PCDHA6: variants seen among roughly 807,000 people sequenced by gnomAD.
The protein encoded by PCDHA6 is protocadherin alpha 6.
A neutral mutation model predicts 60.3 loss-of-function variants in PCDHA6; 55 were observed. The observed-to-expected ratio is 0.91, with a 90% confidence interval of 0.73 to 1.14. The LOEUF (loss-of-function observed/expected upper bound fraction) is 1.14. Ranked by LOEUF, PCDHA6 falls within the 50% of genes most tolerant of loss-of-function variation. PCDHA6 has a pLI of 0.00. For synonymous variants in PCDHA6, 652 were observed against 557.9 expected, an observed-to-expected ratio of 1.17 and a Z score of -2.38; for missense variants, 1,327 against 1,256.5, an observed-to-expected ratio of 1.06 and a Z score of -0.85.
intron 3 of PCDHA6, among the ~76,000 whole-genome samples, chr5:140,995,391 G>A (rs2097681152): frequency 1.3e-5 from 2 of 152,170 alleles, no homozygotes; most frequent in African/African-American, 2.4e-5. Context: ...AGGATAAAGC[G>A]GGATGGCTCG....
chr5:140,969,076 T>C, intron 1 of PCDHA6: 2 of 1,614,162 alleles, frequency 1.2e-6, no homozygotes, highest in South Asian at 2.2e-5. Flanking sequence ...GGATACCGCA[T>C]GGCCTCAAAG....
rs2150164384 is a variant in PCDHA6 at position 140,829,233 on chromosome 5, C to G, written c.1142C>G (p.Ala381Gly). Residue 381 changes from alanine to glycine, a missense_variant, in exon 1 of 4, where the codon GCC becomes GGC. Transcript: ENST00000529310. Reference protein sequence around the residue: ...LISVNDLDSGANGQVNCSLTP... With the variant: ...LISVNDLDSGGNGQVNCSLTP... The stretch of plus-strand genomic sequence containing the variant: ...AGCGTGAACGACCTCGATTCAGGTG[C>G]CAACGGGCAGGTGAACTGCTCGCTG... The G allele has an allele frequency of 3.1e-6, 5 of 1,614,254 alleles. No individual in the cohort carries two copies. In the Admixed American group the frequency reaches 8.3e-5, roughly 27 times the overall value.
At chr5:140,952,380 G>A (rs246035) in intron 1 of PCDHA6, among the ~76,000 whole-genome samples, 85,175 of 151,100 alleles carry the variant, frequency 0.56, 24,638 homozygotes, top group African/African-American at 0.69. Flanking sequence ...CCTCTGCCAG[G>A]TACCCTAAAC....
chr5:140,843,200 T>C (rs1554139863), intron 1 of PCDHA6: 1 of 1,595,954 alleles, frequency 6.3e-7, no homozygotes, highest in Non-Finnish European at 8.6e-7. Context: ...CGTGGGGCTG[T>C]ACACGGGCGA....
intron 3 of PCDHA6, among the ~76,000 whole-genome samples, chr5:140,998,686 T>G (rs1245765431): frequency 6.6e-6 from 1 of 152,118 alleles, no homozygotes; most frequent in Non-Finnish European, 1.5e-5. Context: ...TGCCTCAGCC[T>G]CCCAAGTAGC....
chr5:140,858,871 T>A (rs1000901337), intron 1 of PCDHA6: 6 of 248,826 alleles, frequency 2.4e-5, no homozygotes, highest in African/African-American at 1.2e-4. Context: ...TGAAAATGTG[T>A]TTTCCTCCAT....
At chr5:140,838,624 A>G (rs181370925) in intron 1 of PCDHA6, among the ~76,000 whole-genome samples, 2 of 152,192 alleles carry the variant, frequency 1.3e-5, no homozygotes, top group Admixed American at 1.3e-4. Flanking sequence ...TTTTTTACAA[A>G]TAATTTGGTT....
intron 3 of PCDHA6, among the ~76,000 whole-genome samples, chr5:141,000,919 A>AT (rs2097975024): frequency 6.6e-6 from 1 of 152,134 alleles, no homozygotes; most frequent in Non-Finnish European, 1.5e-5. Flanking sequence ...AAAAAAAAAA[A>AT]TCCTGTGTGA....
intron 1 of PCDHA6, chr5:140,863,238 T>G (rs1367184463): frequency 9.1e-6 from 12 of 1,318,616 alleles, no homozygotes; most frequent in Non-Finnish European, 1.3e-5. Context: ...CATCGCGGGC[T>G]TTGGCGGGCG....
At chr5:140,852,778 A>T (rs2150522420) in intron 1 of PCDHA6, 1 of 980,232 alleles carries the variant, frequency 1.0e-6, no homozygotes, top group East Asian at 1.1e-4. Flanking sequence ...TTTGATGTGA[A>T]TAGAGGGATG....
At chr5:140,966,922 G>C (rs782206344) in intron 1 of PCDHA6, 7 of 1,602,954 alleles carry the variant, frequency 4.4e-6, no homozygotes, top group Non-Finnish European at 5.9e-6. Context: ...CAGAGGAGCA[G>C]GCACCCGGCG....
intron 3 of PCDHA6, among the ~76,000 whole-genome samples, chr5:141,008,567 T>C (rs1171779674): frequency 1.3e-5 from 2 of 152,182 alleles, no homozygotes; most frequent in African/African-American, 4.8e-5. Flanking sequence ...TGCATAATCA[T>C]TTTCCCAAGA....
intron 1 of PCDHA6, chr5:140,927,052 A>G: frequency 6.2e-7 from 1 of 1,611,924 alleles, no homozygotes; most frequent in Middle Eastern, 1.7e-4. Flanking sequence ...GTCCTCGCGG[A>G]ACTTTCGCTT....
At position 141,010,302 on chromosome 5, in the gene PCDHA6, A is replaced by C; in HGVS notation, c.*365A>C. On this transcript the variant is annotated 3_prime_UTR_variant, in exon 4 of 4. Coordinates refer to ENST00000529310, the MANE Select transcript of PCDHA6 (RefSeq NM_018909.4). ...TGATGACACTTGCAGGGCAGGCTGA[A>C]AAGTTTTGAGATTGAGCAGCTTGGG... The C allele has an allele frequency of 6.5e-7, 1 of 1,549,074 alleles. No individual in the cohort carries two copies. The highest frequency in any genetic ancestry group is 8.7e-7 in the Non-Finnish European group (1 of 1,146,244).
In PCDHA6 at chr5:141,005,701, CAAAAAAAA is replaced by C. The variant is rs59860837; in HGVS notation, c.2543-3903_2543-3896del. Among the ~76,000 whole-genome samples, 45 of 7,788 alleles carry C rather than the reference CAAAAAAAA, an allele frequency of 5.8e-3. No individual in the cohort carries two copies. In the East Asian group the frequency reaches 0.064, roughly 11 times the overall value. 5.1% of individuals were successfully genotyped at this position (7,788 alleles called of 152,430 possible). A position where few individuals can be genotyped will look rare whatever the true frequency, so the allele number is the denominator to read the frequency against. On this transcript the variant is annotated intron_variant, in intron 3 of 3. Coordinates refer to ENST00000529310, the MANE Select transcript of PCDHA6 (RefSeq NM_018909.4). ...TGGGCGACAGAGCGAAACTCCGTCT[CAAAAAAAA>C]AAAAAAAAAAAAAAAAAAAAAAGAA...
rs35680913 is a variant in PCDHA6 at position 140,961,887 on chromosome 5, GT to G, written c.2395-17048del. Among the ~76,000 whole-genome samples, 881 of 143,912 alleles carry G rather than the reference GT, an allele frequency of 6.1e-3. 6 individuals carry two copies. The highest frequency in any genetic ancestry group is 0.018 in the African/African-American group (705 of 39,388). The allele number at this position is 143,912 out of a possible 152,430, so 94.4% of individuals were successfully genotyped here. ...ACAGATAATTGACTTACTTACATCA[GT>G]TTTTTTTTTTTTTGAGATGGAGTCT... On this transcript the variant is annotated intron_variant, in intron 1 of 3. Coordinates refer to ENST00000529310, the MANE Select transcript of PCDHA6 (RefSeq NM_018909.4).
At chr5:140,924,839 G>A (rs1049952478) in intron 1 of PCDHA6, among the ~76,000 whole-genome samples, 3 of 150,922 alleles carry the variant, frequency 2.0e-5, no homozygotes, top group Non-Finnish European at 4.4e-5. Context: ...AGGTTGCAGG[G>A]AGCTCAGATC....
chr5:140,915,677 A>C (rs1352514451), intron 1 of PCDHA6, among the ~76,000 whole-genome samples: 4 of 150,138 alleles, frequency 2.7e-5, no homozygotes, highest in African/African-American at 9.8e-5. Flanking sequence ...GCCATCTTGA[A>C]CTAGGGGTAT....
intron 1 of PCDHA6, among the ~76,000 whole-genome samples, chr5:140,953,839 A>G (rs2094940958): frequency 6.6e-6 from 1 of 152,192 alleles, no homozygotes; most frequent in African/African-American, 2.4e-5. Flanking sequence ...TTTGTTACCC[A>G]GGTAAACATG....
Sources: gnomAD v4.1 joint callset for allele counts (sites outside exome capture counted in the v4.1 genomes callset) on GRCh38, gnomAD v4.1.1 for gene constraint, MANE v1.5 for transcripts, NCBI Gene and HGNC (gene_info 2026-07-23, HGNC 2026-07-21) for gene names.